MRTFB: variants seen among roughly 807,000 people sequenced by gnomAD.
MRTFB encodes myocardin related transcription factor B.
Under a neutral mutation model 104.2 loss-of-function variants are expected in MRTFB, and 29 were observed. The ratio of observed to expected loss-of-function variants is 0.28; its 90% CI spans 0.21 to 0.38. The LOEUF (loss-of-function observed/expected upper bound fraction) is 0.38. Ranked by LOEUF, MRTFB falls within the 10% of genes least tolerant of loss-of-function variation. The pLI, the probability that MRTFB is intolerant of heterozygous loss-of-function variation, is 1.00. For missense variants in MRTFB, 1,270 were observed against 1,341.6 expected, an observed-to-expected ratio of 0.95 and a Z score of 0.83; for synonymous variants, 535 against 519.5, an observed-to-expected ratio of 1.03 and a Z score of -0.41.
chr16:14,004,215 G>A, the MRTFB span, among the ~76,000 whole-genome samples: 27 of 152,280 alleles, frequency 1.8e-4, no homozygotes, highest in Non-Finnish European at 2.9e-4. Context: ...TAGCTGGACC[G>A]CAGACAAGTA....
At chr16:14,204,692 A>G (rs1480574513) in intron 3 of MRTFB, among the ~76,000 whole-genome samples, 1 of 152,212 alleles carries the variant, frequency 6.6e-6, no homozygotes, top group Non-Finnish European at 1.5e-5. Context: ...TGTTAGCCCT[A>G]AGAGATGAAA....
intron 2 of MRTFB, among the ~76,000 whole-genome samples, chr16:14,131,520 C>A (rs556464760): frequency 6.6e-6 from 1 of 151,994 alleles, no homozygotes; most frequent in Non-Finnish European, 1.5e-5. Context: ...GAAAAGTCAA[C>A]CCACAGAATG....
the MRTFB span, among the ~76,000 whole-genome samples, chr16:14,014,572 A>AT: frequency 1.3e-5 from 2 of 151,808 alleles, no homozygotes; most frequent in Non-Finnish European, 2.9e-5. Flanking sequence ...GAAAAAAAAA[A>AT]GCCAGGCGCA....
intron 2 of MRTFB, among the ~76,000 whole-genome samples, chr16:14,079,671 G>A (rs1416568778): frequency 3.3e-5 from 5 of 152,086 alleles, no homozygotes; most frequent in African/African-American, 1.2e-4. Context: ...GCAACATTCA[G>A]TGAATACTTT....
At chr16:14,218,694 T>G in intron 7 of MRTFB, 126 bp from the exon 8 acceptor site, 5 of 887,870 alleles carry the variant, frequency 5.6e-6, no homozygotes, top group Non-Finnish European at 6.8e-6. Context: ...GGGAGGTACA[T>G]TGTGTTCAAT....
At chr16:14,180,605 C>T (rs1194475261) in intron 3 of MRTFB, among the ~76,000 whole-genome samples, 2 of 152,206 alleles carry the variant, frequency 1.3e-5, no homozygotes, top group African/African-American at 2.4e-5. Flanking sequence ...TGCAGGCTGC[C>T]GCTGTCATGT....
chr16:14,033,946 C>T, the MRTFB span, among the ~76,000 whole-genome samples: 1 of 151,928 alleles, frequency 6.6e-6, no homozygotes, highest in East Asian at 1.9e-4. Flanking sequence ...GAGGGCTAGG[C>T]AATGGAGGAA....
the MRTFB span, among the ~76,000 whole-genome samples, chr16:14,055,406 A>G: frequency 6.6e-6 from 1 of 152,222 alleles, no homozygotes; most frequent in Non-Finnish European, 1.5e-5. Context: ...TAACTAATCT[A>G]TCGACTGTAT....
At chr16:14,184,037 C>T (rs1369460725) in intron 3 of MRTFB, among the ~76,000 whole-genome samples, 1 of 120,552 alleles carries the variant, frequency 8.3e-6, no homozygotes, top group East Asian at 2.5e-4. Flanking sequence ...AACAGTTGGG[C>T]ATTTTTCAGG....
At chr16:14,144,186 T>C (rs984934475) in intron 3 of MRTFB, 1 of 152,238 alleles carries the variant, frequency 6.6e-6, no homozygotes, top group Non-Finnish European at 1.5e-5. Flanking sequence ...AGTCCTTTTT[T>C]GTTCAATACG....
chr16:14,223,600 AC>A (rs2041848109), intron 8 of MRTFB, among the ~76,000 whole-genome samples: 1 of 152,148 alleles, frequency 6.6e-6, no homozygotes, highest in Admixed American at 6.6e-5. Context: ...AGAGGCTTGA[AC>A]AGCAGACTCA....
chr16:14,025,729 TA>T, the MRTFB span, among the ~76,000 whole-genome samples: 15 of 151,476 alleles, frequency 9.9e-5, no homozygotes, highest in African/African-American at 2.2e-4. Context: ...ATAAGGAATC[TA>T]AAAAAACAAA....
At chr16:14,020,440 A>C in the MRTFB span, 1 of 152,210 alleles carries the variant, frequency 6.6e-6, no homozygotes, top group African/African-American at 2.4e-5. Context: ...GCCAGGTCCC[A>C]GTATTCTTGA....
Position 14,260,803 on chromosome 16 carries a change from C to T in MRTFB, c.2765-106C>T, listed in dbSNP as rs999375153. The T allele has an allele frequency of 1.2e-5, 11 of 914,238 alleles. No individual in the cohort carries two copies. The African/African-American group carries it at 1.9e-4, about 16-fold the overall frequency. 56.6% of individuals were successfully genotyped at this position (914,238 alleles called of 1,614,324 possible). A position where few individuals can be genotyped will look rare whatever the true frequency, so the allele number is the denominator to read the frequency against. On this transcript the variant is annotated intron_variant, in intron 16 of 16. Coordinates refer to ENST00000571589, the MANE Select transcript of MRTFB (RefSeq NM_001308142.2). Reference sequence around the variant, plus strand: ...TCTTCCTACTTCTAAGACGGACGTGCATAGAAGGAATCGCATAATAGCAAT... The same window carrying T: ...TCTTCCTACTTCTAAGACGGACGTGTATAGAAGGAATCGCATAATAGCAAT...
At chr16:14,257,242 A>G (rs1022511302) in intron 15 of MRTFB, among the ~76,000 whole-genome samples, 1 of 152,188 alleles carries the variant, frequency 6.6e-6, no homozygotes, top group African/African-American at 2.4e-5. Flanking sequence ...TTCCACTCCT[A>G]ATTACCCAAG....
intron 2 of MRTFB, among the ~76,000 whole-genome samples, chr16:14,112,595 GTC>G (rs1327945246): frequency 6.6e-6 from 1 of 152,260 alleles, no homozygotes; most frequent in Non-Finnish European, 1.5e-5. Context: ...TTCCACCACA[GTC>G]TGTTCTTCAC....
At chr16:14,127,348 C>G (rs1328485236) in intron 2 of MRTFB, among the ~76,000 whole-genome samples, 5 of 152,126 alleles carry the variant, frequency 3.3e-5, no homozygotes, top group Non-Finnish European at 7.4e-5. Context: ...ACAACACATT[C>G]ACACATTCAA....
At chr16:14,188,996 C>T (rs1318703953) in intron 3 of MRTFB, among the ~76,000 whole-genome samples, 1 of 152,162 alleles carries the variant, frequency 6.6e-6, no homozygotes, top group Non-Finnish European at 1.5e-5. Flanking sequence ...ATTAATGTCT[C>T]ACTGTAGTTG....
intron 2 of MRTFB, among the ~76,000 whole-genome samples, chr16:14,083,038 T>C (rs1190369672): frequency 1.3e-5 from 2 of 152,180 alleles, no homozygotes; most frequent in Non-Finnish European, 2.9e-5. Flanking sequence ...TTCACTGATG[T>C]TTTATAGTTT....
Sources: allele counts gnomAD v4.1 joint callset (sites outside exome capture counted in the v4.1 genomes callset), GRCh38; gene constraint gnomAD v4.1.1; transcripts MANE v1.5; gene names NCBI Gene and HGNC (gene_info 2026-07-23, HGNC 2026-07-21).